The following DTNA variants were observed in gnomAD, a reference collection of about 807,000 sequenced individuals.
DTNA encodes dystrobrevin alpha.
In DTNA, 43 loss-of-function variants were observed where a neutral mutation model predicts 100.7. The ratio of observed to expected loss-of-function variants is 0.43; its 90% CI spans 0.33 to 0.55. DTNA has a LOEUF of 0.55. DTNA is among the 20% of genes least tolerant of loss of function. The pLI, the probability that DTNA is intolerant of heterozygous loss-of-function variation, is 0.04. For synonymous variants in DTNA, 349 were observed against 347.9 expected, an observed-to-expected ratio of 1.00 and a Z score of -0.04; for missense variants, 798 against 953.9, an observed-to-expected ratio of 0.84 and a Z score of 2.15.
chr18:34,798,592 T>C (rs1221836833), intron 4 of DTNA, among the ~76,000 whole-genome samples: 1 of 152,200 alleles, frequency 6.6e-6, no homozygotes, highest in Non-Finnish European at 1.5e-5. Flanking sequence ...CAGTTCTTCA[T>C]AAAGTAGATT....
intron 1 of DTNA, among the ~76,000 whole-genome samples, chr18:34,545,290 C>A (rs2044658671): frequency 6.6e-6 from 1 of 152,038 alleles, no homozygotes; most frequent in South Asian, 2.1e-4. Flanking sequence ...AATCTTGAAT[C>A]CCTTTGCAGT....
At chr18:34,786,435 AG>A (rs2094510260) in intron 3 of DTNA, among the ~76,000 whole-genome samples, 1 of 152,182 alleles carries the variant, frequency 6.6e-6, no homozygotes, top group Non-Finnish European at 1.5e-5. Flanking sequence ...ATTTACATCT[AG>A]GGAGGGGAGA....
intron 1 of DTNA, among the ~76,000 whole-genome samples, chr18:34,612,835 AG>A (rs1288534048): frequency 3.3e-5 from 5 of 152,260 alleles, no homozygotes; most frequent in African/African-American, 1.2e-4. Context: ...TATACTCATT[AG>A]AATTAATCAT....
Position 34,624,099 on chromosome 18 carries a change from G to T in DTNA, c.-2+130585G>T, listed in dbSNP as rs530556813. Among the ~76,000 whole-genome samples the T allele has an allele frequency of 2.0e-3, 302 of 152,140 alleles. 1 individual carries two copies. The highest frequency in any genetic ancestry group is 6.6e-3 in the African/African-American group (276 of 41,516). On this transcript the variant is annotated intron_variant, in intron 1 of 19. Coordinates refer to the DTNA transcript ENST00000283365. Reference sequence around the variant, plus strand: ...ACTGTCCAAGTCTATGAAAAGTTCTGCCCACCTCTGAAGAAAGAAATAGTG... The same window carrying T: ...ACTGTCCAAGTCTATGAAAAGTTCTTCCCACCTCTGAAGAAAGAAATAGTG...
intron 1 of DTNA, among the ~76,000 whole-genome samples, chr18:34,534,049 T>G (rs1318506112): frequency 6.6e-6 from 1 of 152,176 alleles, no homozygotes; most frequent in African/African-American, 2.4e-5. Flanking sequence ...AGAAGGGACT[T>G]CAAAAATACA....
At chr18:34,844,085 C>A (rs2096327949) in intron 13 of DTNA, among the ~76,000 whole-genome samples, 1 of 152,050 alleles carries the variant, frequency 6.6e-6, no homozygotes, top group South Asian at 2.1e-4. Flanking sequence ...AAATATAAAT[C>A]TAAAGACTGT....
intron 1 of DTNA, among the ~76,000 whole-genome samples, chr18:34,589,900 T>A (rs2049524306): frequency 6.6e-6 from 1 of 152,220 alleles, no homozygotes; most frequent in Non-Finnish European, 1.5e-5. Context: ...CTTGGCATAA[T>A]GTCCTCTAAG....
intron 1 of DTNA, among the ~76,000 whole-genome samples, chr18:34,692,030 A>G (rs2079844603): frequency 6.6e-6 from 1 of 152,182 alleles, no homozygotes; most frequent in South Asian, 2.1e-4. Flanking sequence ...ACAGCACCAT[A>G]TCTTAGCTTC....
At chr18:34,855,609 A>G (rs1471927104) in intron 15 of DTNA, among the ~76,000 whole-genome samples, 2 of 152,078 alleles carry the variant, frequency 1.3e-5, no homozygotes, top group Non-Finnish European at 2.9e-5. Flanking sequence ...CCTTCCTCCT[A>G]TCCATCTGTC....
chr18:34,673,282 T>C (rs940480426), intron 1 of DTNA, among the ~76,000 whole-genome samples: 6 of 152,052 alleles, frequency 3.9e-5, no homozygotes, highest in African/African-American at 1.4e-4. Flanking sequence ...ATTATTATTA[T>C]TTTTTCTCTA....
intron 3 of DTNA, among the ~76,000 whole-genome samples, chr18:34,783,688 T>G (rs908830109): frequency 1.3e-5 from 2 of 152,208 alleles, no homozygotes; most frequent in Admixed American, 6.5e-5. Context: ...AACATTTTCT[T>G]TCTGATTTCA....
At chr18:34,589,801 A>G (rs527613330) in intron 1 of DTNA, among the ~76,000 whole-genome samples, 3 of 151,586 alleles carry the variant, frequency 2.0e-5, no homozygotes, top group Non-Finnish European at 1.5e-5. Flanking sequence ...CTATTGCTTT[A>G]CTCTATTTCT....
intron 1 of DTNA, among the ~76,000 whole-genome samples, chr18:34,563,060 T>C (rs774542115): frequency 6.6e-6 from 1 of 152,174 alleles, no homozygotes; most frequent in African/African-American, 2.4e-5. Context: ...CTGGATTGAC[T>C]AGCTTCCTCC....
chr18:34,510,782 G>A (rs1414757076), intron 1 of DTNA, among the ~76,000 whole-genome samples: 2 of 151,956 alleles, frequency 1.3e-5, no homozygotes, highest in East Asian at 3.9e-4. Context: ...GAATTTTAAG[G>A]CTAATAGTAA....
At chr18:34,732,248 G>A (rs1333716688) in intron 1 of DTNA, among the ~76,000 whole-genome samples, 2 of 152,086 alleles carry the variant, frequency 1.3e-5, no homozygotes, top group Admixed American at 6.6e-5. Context: ...CAGCTAACTT[G>A]TTGGATTGCC....
chr18:34,818,791 A>C, intron 8 of DTNA: 1 of 395,926 alleles, frequency 2.5e-6, no homozygotes, highest in Non-Finnish European at 3.7e-6. Context: ...GTGTGGACTT[A>C]ATAATACTGT....
intron 1 of DTNA, among the ~76,000 whole-genome samples, chr18:34,650,688 A>G (rs2060342381): frequency 6.6e-6 from 1 of 152,172 alleles, no homozygotes; most frequent in Non-Finnish European, 1.5e-5. Flanking sequence ...AGCTGCTGCA[A>G]TTGGATGTTC....
chr18:34,863,456 T>C (rs2096655274), intron 16 of DTNA, among the ~76,000 whole-genome samples: 1 of 152,244 alleles, frequency 6.6e-6, no homozygotes, highest in Admixed American at 6.5e-5. Context: ...ATCTACGTGC[T>C]GTTAATATCT....
intron 9 of DTNA, among the ~76,000 whole-genome samples, chr18:34,825,649 CA>C (rs1291389600): frequency 6.6e-5 from 10 of 152,134 alleles, no homozygotes; most frequent in Non-Finnish European, 1.3e-4. Flanking sequence ...GTCCAAAGTT[CA>C]ACATTTCAGT....
Sources: gnomAD v4.1 joint callset for allele counts (sites outside exome capture counted in the v4.1 genomes callset) on GRCh38, gnomAD v4.1.1 for gene constraint, MANE v1.5 for transcripts, NCBI Gene and HGNC (gene_info 2026-07-23, HGNC 2026-07-21) for gene names.